The following ARMC8 variants were observed in gnomAD, a reference collection of about 807,000 sequenced individuals.
The protein encoded by ARMC8 is armadillo repeat containing 8, also known as armadillo repeat-containing protein 8.
Under a neutral mutation model 99.3 loss-of-function variants are expected in ARMC8, and 20 were observed. The observed-to-expected ratio is 0.20, with a 90% CI of 0.14 to 0.29. ARMC8 has a LOEUF of 0.29. Among genes scored for constraint, ARMC8 ranks in the 10% least tolerant of loss-of-function variants. ARMC8 has a pLI of 1.00. For synonymous variants in ARMC8, 263 were observed against 278.3 expected, an observed-to-expected ratio of 0.95 and a Z score of 0.55; for missense variants, 569 against 809.5, an observed-to-expected ratio of 0.70 and a Z score of 3.60.
At chr3:138,275,655 C>T (rs765036187) in intron 18 of ARMC8, among the ~76,000 whole-genome samples, 4 of 152,106 alleles carry the variant, frequency 2.6e-5, no homozygotes, top group Non-Finnish European at 1.5e-5. Flanking sequence ...CCCAGAGAGT[C>T]TAACTTCAGG....
intron 2 of ARMC8, among the ~76,000 whole-genome samples, chr3:138,215,186 A>G (rs1341308105): frequency 5.9e-5 from 9 of 152,078 alleles, no homozygotes; most frequent in Admixed American, 5.9e-4. Context: ...CATCAAGACT[A>G]TATATTTGCG....
chr3:138,275,521 T>C (rs1425515457), intron 18 of ARMC8, among the ~76,000 whole-genome samples: 2 of 151,964 alleles, frequency 1.3e-5, no homozygotes, highest in East Asian at 1.9e-4. Context: ...ATAGCACCAC[T>C]GCACTCCGAC....
chr3:138,229,146 A>ATATATATG (rs2045862155), intron 6 of ARMC8, 136 bp downstream of exon 6: 3 of 43,826 alleles, frequency 6.8e-5, no homozygotes, highest in African/African-American at 3.4e-4. Context: ...ATATATATAT[A>ATATATATG]TATATATATA....
chr3:138,236,913 C>T (rs1021433996), intron 7 of ARMC8, among the ~76,000 whole-genome samples: 3 of 151,996 alleles, frequency 2.0e-5, no homozygotes, highest in African/African-American at 7.3e-5. Flanking sequence ...ATATTGTTTC[C>T]TCTCCTTCTG....
At chr3:138,267,274 C>T in intron 15 of ARMC8, 33 bp downstream of exon 15, 5 of 1,342,756 alleles carry the variant, frequency 3.7e-6, no homozygotes, top group Middle Eastern at 1.9e-4. Context: ...TAGACTTTGC[C>T]CAGTCCAGCT....
chr3:138,269,957 C>A (rs2048634683), intron 15 of ARMC8, 83 bp from the exon 16 acceptor site: 1 of 811,986 alleles, frequency 1.2e-6, no homozygotes, highest in South Asian at 1.9e-5. Context: ...GGGAAGAAAT[C>A]ACAAAGTGCC....
In ARMC8 at chr3:138,292,936, A is replaced by G. The variant is rs567630080; in HGVS notation, c.1988+2297A>G. Among the ~76,000 whole-genome samples, 14 of 152,310 alleles carry G rather than the reference A, an allele frequency of 9.2e-5. No homozygotes were observed. The South Asian group carries it at 1.5e-3, about 16-fold the overall frequency. On this transcript the variant is annotated intron_variant, in intron 21 of 21. Transcript: ENST00000469044. The stretch of plus-strand genomic sequence containing the variant: ...ACTCAGGCGCATAAGGTGTCCAGAA[A>G]ACAAAGGAAAAAGATGCCTGGACGG...
At chr3:138,216,983 T>G (rs537774018) in intron 2 of ARMC8, among the ~76,000 whole-genome samples, 1 of 152,348 alleles carries the variant, frequency 6.6e-6, no homozygotes, top group South Asian at 2.1e-4. Flanking sequence ...TAAATATGTT[T>G]AGCTACACAT....
rs2047990667 is a variant in ARMC8, at chr3:138,263,830, T to C, written c.1217+9T>C. On this transcript the variant is annotated intron_variant, in intron 13 of 21. Transcript: ENST00000469044. The stretch of plus-strand genomic sequence containing the variant: ...CGGTTAGCTGCCGTCAGGTATGAGC[T>C]TTAAATGGTCTGAATAAAAACCTTT... 1 of 1,612,788 alleles carries C rather than the reference T, an allele frequency of 6.2e-7. No homozygotes were observed. The highest frequency in any genetic ancestry group is 1.3e-5 in the African/African-American group (1 of 75,036).
At chr3:138,268,248 TAAAAC>T (rs887942287) in intron 15 of ARMC8, among the ~76,000 whole-genome samples, 5 of 151,534 alleles carry the variant, frequency 3.3e-5, no homozygotes, top group East Asian at 1.9e-4. Flanking sequence ...ATCTAAAAAA[TAAAAC>T]AAAACAAAAA....
chr3:138,200,936 G>A (rs1380563891), intron 1 of ARMC8, among the ~76,000 whole-genome samples: 2 of 96,616 alleles, frequency 2.1e-5, no homozygotes, highest in African/African-American at 8.3e-5. Flanking sequence ...TTTTTGAAAT[G>A]GAGTCTCCCT....
chr3:138,204,401 C>A (rs1355112367), intron 1 of ARMC8, among the ~76,000 whole-genome samples: 1 of 152,194 alleles, frequency 6.6e-6, no homozygotes, highest in Non-Finnish European at 1.5e-5. Context: ...ACATTTCCGT[C>A]AATGAATAAG....
chr3:138,216,826 A>G (rs1333429466), intron 2 of ARMC8, among the ~76,000 whole-genome samples: 1 of 152,214 alleles, frequency 6.6e-6, no homozygotes, highest in African/African-American at 2.4e-5. Context: ...AGTATTCCAA[A>G]TATGAAGCAG....
At chr3:138,247,130 G>A (rs1046350604) in intron 12 of ARMC8, among the ~76,000 whole-genome samples, 3 of 152,102 alleles carry the variant, frequency 2.0e-5, no homozygotes, top group African/African-American at 7.2e-5. Context: ...ATGATAAATA[G>A]TAGCACTTTT....
chr3:138,196,016 G>C (rs2043712506), intron 1 of ARMC8, among the ~76,000 whole-genome samples: 1 of 152,138 alleles, frequency 6.6e-6, no homozygotes, highest in South Asian at 2.1e-4. Flanking sequence ...GGTCCAATGG[G>C]GAGTTTTCAA....
intron 1 of ARMC8, among the ~76,000 whole-genome samples, chr3:138,206,413 G>C (rs1454095754): frequency 1.3e-5 from 2 of 152,084 alleles, no homozygotes; most frequent in African/African-American, 4.8e-5. Context: ...CTCATCTCCT[G>C]CTGCTTTCTC....
intron 19 of ARMC8, among the ~76,000 whole-genome samples, chr3:138,286,617 T>G (rs888466513): frequency 2.6e-5 from 4 of 152,332 alleles, no homozygotes; most frequent in African/African-American, 9.6e-5. Flanking sequence ...TTTCAAAGAT[T>G]ACTGCTTTGT....
chr3:138,291,965 T>C (rs532225880), intron 21 of ARMC8, among the ~76,000 whole-genome samples: 14 of 152,214 alleles, frequency 9.2e-5, no homozygotes, highest in African/African-American at 3.1e-4. Context: ...TAGGAAATCA[T>C]TGGAGACTGT....
chr3:138,273,044 A>G lies in ARMC8; in HGVS notation c.1557A>G (p.Leu519=). 6.2e-7 allele frequency: 1 copy of G among 1,613,630 alleles called. No individual in the cohort carries two copies. The highest frequency in any genetic ancestry group is 8.5e-7 in the Non-Finnish European group (1 of 1,179,678). The change falls in exon 17 of 22, where the codon TTA becomes TTG. Residue 519 remains leucine (L), a synonymous_variant. Transcript: ENST00000469044. ...TGAGTACTGAACAGCTATTCCGGTTATTATCAGATTCAGATTTGAATGTGC... is the reference window on the plus strand; with the variant it reads ...TGAGTACTGAACAGCTATTCCGGTTGTTATCAGATTCAGATTTGAATGTGC... ...RSLSTEQLFR[L]LSDSDLNVLM...
Sources: allele counts gnomAD v4.1 joint callset (sites outside exome capture counted in the v4.1 genomes callset), GRCh38; gene constraint gnomAD v4.1.1; transcripts MANE v1.5; gene names NCBI Gene and HGNC (gene_info 2026-07-23, HGNC 2026-07-21).